The following PRKG1 variants were observed in gnomAD, a reference collection of about 807,000 sequenced individuals.
PRKG1 encodes the protein cGMP-dependent protein kinase 1.
In PRKG1, 35 loss-of-function variants were observed where a neutral mutation model predicts 88.1. That is an observed-to-expected ratio of 0.40 (90% CI 0.30 to 0.53). PRKG1 has a LOEUF of 0.53. PRKG1 is among the 20% of genes least tolerant of loss of function. PRKG1 has a pLI of 0.59. For missense variants in PRKG1, 540 were observed against 839.8 expected (o/e 0.64, Z 4.41); for synonymous variants, 303 against 292.5 (o/e 1.04, Z -0.37).
chr10:51,133,927 A>G (rs891279637), intron 1 of PRKG1, among the ~76,000 whole-genome samples: 1 of 152,186 alleles, frequency 6.6e-6, no homozygotes, highest in African/African-American at 2.4e-5. Flanking sequence ...TTCTCTTCCT[A>G]ATTAATTTAT....
At chr10:52,023,350 A>G (rs768503911) in intron 5 of PRKG1, among the ~76,000 whole-genome samples, 127 of 152,218 alleles carry the variant, frequency 8.3e-4, no homozygotes, top group Middle Eastern at 6.3e-3. Context: ...AGTCTTTGCT[A>G]TTGTGAACAG....
At chr10:51,383,728 C>A (rs751956064) in intron 2 of PRKG1, among the ~76,000 whole-genome samples, 7 of 152,174 alleles carry the variant, frequency 4.6e-5, no homozygotes, top group Non-Finnish European at 1.0e-4. Context: ...TCCTCTGAGA[C>A]TAATCCTTTG....
At chr10:51,817,367 G>C (rs974729975) in intron 4 of PRKG1, among the ~76,000 whole-genome samples, 1 of 85,140 alleles carries the variant, frequency 1.2e-5, no homozygotes, top group African/African-American at 3.2e-5. Flanking sequence ...TCCCCTGACA[G>C]GCCCTGGTGT....
intron 4 of PRKG1, among the ~76,000 whole-genome samples, chr10:51,834,316 G>A (rs1319610537): frequency 6.6e-6 from 1 of 151,990 alleles, no homozygotes; most frequent in Non-Finnish European, 1.5e-5. Flanking sequence ...TTGCAAAACA[G>A]AACTGTGTTC....
chr10:51,047,560 T>C (rs1165242925), intron 1 of PRKG1, among the ~76,000 whole-genome samples: 2 of 150,012 alleles, frequency 1.3e-5, no homozygotes, highest in African/African-American at 4.9e-5. Context: ...TTGAAAAAAA[T>C]TGAGTAGTAA....
In PRKG1 at chr10:51,848,852, T is replaced by TG. The variant is rs1554848261; in HGVS notation, c.698+44162_698+44163insG. ...AAAGAGTCTATGGTTTGCGTTTCTATTTTTTTTTTTTTTTTAACACTTTCT... is the reference window on the plus strand; with the variant it reads ...AAAGAGTCTATGGTTTGCGTTTCTATGTTTTTTTTTTTTTTTAACACTTTCT... On this transcript the variant is annotated intron_variant, in intron 4 of 17. Transcript: ENST00000373980. Among the ~76,000 whole-genome samples the TG allele has an allele frequency of 0.015, 1,360 of 91,990 alleles. 31 individuals carry two copies. In the African/African-American group the frequency reaches 0.16, roughly 11 times the overall value. The allele number at this position is 91,990 out of a possible 152,430, so 60.3% of individuals were successfully genotyped here.
chr10:52,191,228 C>T (rs772132168), intron 9 of PRKG1, among the ~76,000 whole-genome samples: 1 of 152,154 alleles, frequency 6.6e-6, no homozygotes, highest in South Asian at 2.1e-4. Context: ...ATCATGCTCA[C>T]TGCAGCCTAG....
At chr10:51,278,941 T>C (rs1428250733) in intron 2 of PRKG1, among the ~76,000 whole-genome samples, 2 of 152,178 alleles carry the variant, frequency 1.3e-5, no homozygotes, top group African/African-American at 2.4e-5. Context: ...GGGTTTTTTG[T>C]GTCTCTATTT....
chr10:51,076,836 A>G (rs1564590531), intron 1 of PRKG1, among the ~76,000 whole-genome samples: 1 of 152,178 alleles, frequency 6.6e-6, no homozygotes. Flanking sequence ...CATTATAATA[A>G]CATTTTATCT....
At chr10:52,002,757 G>A (rs562590008) in intron 5 of PRKG1, among the ~76,000 whole-genome samples, 1 of 152,252 alleles carries the variant, frequency 6.6e-6, no homozygotes, top group South Asian at 2.1e-4. Flanking sequence ...TGCTGTTCAT[G>A]TAAATACTAA....
chr10:51,020,963 T>G (rs1300077568), intron 1 of PRKG1, among the ~76,000 whole-genome samples: 1 of 152,148 alleles, frequency 6.6e-6, no homozygotes. Context: ...AGTCCATACT[T>G]GTAGTTTAAT....
chr10:51,342,415 T>C (rs1842022668), intron 2 of PRKG1, among the ~76,000 whole-genome samples: 1 of 152,156 alleles, frequency 6.6e-6, no homozygotes, highest in South Asian at 2.1e-4. Flanking sequence ...AAGGACAAGA[T>C]GTGATCAAAC....
At chr10:52,143,800 T>C (rs1837650432) in intron 8 of PRKG1, among the ~76,000 whole-genome samples, 1 of 152,142 alleles carries the variant, frequency 6.6e-6, no homozygotes, top group African/African-American at 2.4e-5. Flanking sequence ...GATCCACTTT[T>C]ACAGAGCAGT....
intron 8 of PRKG1, 86 bp downstream of exon 8, chr10:52,133,991 C>G (rs1405863772): frequency 7.3e-6 from 7 of 963,386 alleles, no homozygotes; most frequent in East Asian, 5.2e-5. Flanking sequence ...TTTTATGGAG[C>G]TATTAATACT....
At chr10:52,136,790 G>A (rs751150845) in intron 8 of PRKG1, among the ~76,000 whole-genome samples, 15 of 151,962 alleles carry the variant, frequency 9.9e-5, no homozygotes, top group Non-Finnish European at 8.8e-5. Context: ...GGATTCCCTT[G>A]GATTTAGCTG....
At chr10:51,003,690 C>A (rs1054047988) in intron 1 of PRKG1, among the ~76,000 whole-genome samples, 1 of 152,198 alleles carries the variant, frequency 6.6e-6, no homozygotes, top group African/African-American at 2.4e-5. Flanking sequence ...TCCTCCCAAT[C>A]TTTCTACTTG....
chr10:51,692,948 T>TA (rs1414608868), intron 3 of PRKG1, among the ~76,000 whole-genome samples: 5 of 152,078 alleles, frequency 3.3e-5, no homozygotes, highest in Admixed American at 1.3e-4. Context: ...GATTAAAGGG[T>TA]AGTTACCTAG....
chr10:51,868,362 A>C (rs1342927769), intron 4 of PRKG1, among the ~76,000 whole-genome samples: 1 of 152,190 alleles, frequency 6.6e-6, no homozygotes, highest in Non-Finnish European at 1.5e-5. Flanking sequence ...CCTTCTTACA[A>C]AATGGCTTAA....
At chr10:51,877,113 C>G (rs576003128) in intron 4 of PRKG1, among the ~76,000 whole-genome samples, 105 of 152,170 alleles carry the variant, frequency 6.9e-4, no homozygotes, top group African/African-American at 2.5e-3. Flanking sequence ...TTAGGATTGT[C>G]TTTCTCCCCC....
Sources: gnomAD v4.1 joint callset for allele counts (sites outside exome capture counted in the v4.1 genomes callset) on GRCh38, gnomAD v4.1.1 for gene constraint, MANE v1.5 for transcripts, NCBI Gene and HGNC (gene_info 2026-07-23, HGNC 2026-07-21) for gene names.